The following CTTNBP2 variants were observed in gnomAD, a reference collection of about 807,000 sequenced individuals.
The protein encoded by CTTNBP2 is cortactin-binding protein 2.
A neutral mutation model predicts 156.9 loss-of-function variants in CTTNBP2; 108 were observed. The ratio of observed to expected loss-of-function variants is 0.69; its 90% CI spans 0.59 to 0.81. The LOEUF is 0.81. Ranked by LOEUF, CTTNBP2 falls within the 30% of genes least tolerant of loss-of-function variation. The pLI is 0.00. For missense variants in CTTNBP2, 1,924 were observed against 2,035.4 expected (o/e 0.95, Z 1.05); for synonymous variants, 767 against 751.8 (o/e 1.02, Z -0.33).
chr7:117,841,822 C>T (rs1802295096), intron 2 of CTTNBP2, among the ~76,000 whole-genome samples: 1 of 151,968 alleles, frequency 6.6e-6, no homozygotes, highest in Admixed American at 6.6e-5. Flanking sequence ...TGATGAGGTA[C>T]TAAGAAGAAT....
chr7:117,782,801 G>T, intron 6 of CTTNBP2, 61 bp downstream of exon 6: 1 of 1,160,924 alleles, frequency 8.6e-7, no homozygotes, highest in South Asian at 1.3e-5. Context: ...TAAAATACGT[G>T]TGCAAATTAT....
At chr7:117,851,207 A>C (rs1367575385) in intron 2 of CTTNBP2, among the ~76,000 whole-genome samples, 1 of 152,114 alleles carries the variant, frequency 6.6e-6, no homozygotes, top group Non-Finnish European at 1.5e-5. Flanking sequence ...GTTTGAGTCC[A>C]GGTTGAGCAA....
intron 8 of CTTNBP2, 86 bp downstream of exon 8, chr7:117,777,425 A>G (rs897482787): frequency 3.7e-6 from 5 of 1,363,276 alleles, no homozygotes; most frequent in Middle Eastern, 2.6e-4. Context: ...CAATTATTCA[A>G]TTTAAGTGCA....
At chr7:117,776,990 A>T (rs1798139879) in intron 8 of CTTNBP2, among the ~76,000 whole-genome samples, 1 of 152,246 alleles carries the variant, frequency 6.6e-6, no homozygotes, top group Non-Finnish European at 1.5e-5. Context: ...AACATGAGTG[A>T]ATGGACTACT....
chr7:117,853,728 G>T (rs962587359), intron 2 of CTTNBP2, among the ~76,000 whole-genome samples: 1 of 152,094 alleles, frequency 6.6e-6, no homozygotes, highest in Non-Finnish European at 1.5e-5. Flanking sequence ...GGATCAAATG[G>T]TATGTGGGAG....
rs34814075 is a variant in CTTNBP2, at chr7:117,808,355, G to A, written c.414+2410C>T. On this transcript the variant is annotated intron_variant, in intron 3 of 22. Transcript: ENST00000160373. ...GGCTCAAAATGGGAAGTGGATTACC[G>A]GAGGCAAAGTTCCCCATGATGATTA... Among the ~76,000 whole-genome samples the A allele has an allele frequency of 3.9e-3, 598 of 151,600 alleles. 8 individuals are homozygous for A. The highest frequency in any genetic ancestry group is 0.013 in the African/African-American group (557 of 41,356).
chr7:117,836,430 G>T (rs1031818404), intron 2 of CTTNBP2, among the ~76,000 whole-genome samples: 1 of 152,158 alleles, frequency 6.6e-6, no homozygotes, highest in Non-Finnish European at 1.5e-5. Flanking sequence ...CAGGCGTGGT[G>T]GTGGGCGCCT....
intron 3 of CTTNBP2, among the ~76,000 whole-genome samples, chr7:117,809,423 T>C (rs1367570416): frequency 1.3e-5 from 2 of 152,342 alleles, no homozygotes; most frequent in African/African-American, 2.4e-5. Context: ...ACAGGCATAA[T>C]TGAAATGTAT....
intron 2 of CTTNBP2, among the ~76,000 whole-genome samples, chr7:117,834,889 A>T (rs917623618): frequency 1.3e-5 from 2 of 152,240 alleles, no homozygotes; most frequent in Non-Finnish European, 2.9e-5. Context: ...GGGTTTACTT[A>T]CTCAAAACAA....
intron 2 of CTTNBP2, among the ~76,000 whole-genome samples, chr7:117,857,630 T>C (rs1803416890): frequency 6.6e-6 from 1 of 152,180 alleles, no homozygotes; most frequent in South Asian, 2.1e-4. Context: ...TAGGTAACTT[T>C]ATAATTTATA....
intron 2 of CTTNBP2, among the ~76,000 whole-genome samples, chr7:117,811,777 G>T (rs1800293084): frequency 6.7e-6 from 1 of 150,064 alleles, no homozygotes; most frequent in Admixed American, 6.6e-5. Flanking sequence ...ATGGATGTCT[G>T]GTAAGAAGAA....
chr7:117,739,814 G>T (rs1359239785), intron 14 of CTTNBP2, among the ~76,000 whole-genome samples: 2 of 152,170 alleles, frequency 1.3e-5, no homozygotes, highest in African/African-American at 4.8e-5. Flanking sequence ...TCCCAGGAAT[G>T]CAGGGCCCAA....
intron 19 of CTTNBP2, among the ~76,000 whole-genome samples, chr7:117,721,969 A>C (rs1794816047): frequency 6.6e-6 from 1 of 152,240 alleles, no homozygotes; most frequent in Non-Finnish European, 1.5e-5. Flanking sequence ...GTCAACACAA[A>C]TTTTCTCTAA....
chr7:117,817,348 AAAAAAAAAAAAAAAT>A (rs1215985124), intron 2 of CTTNBP2, among the ~76,000 whole-genome samples: 97 of 69,302 alleles, frequency 1.4e-3, no homozygotes, highest in African/African-American at 4.5e-3. Context: ...AAAAAAAAAA[AAAAAAAAAAAAAAAT>A]ATATATATAT....
intron 2 of CTTNBP2, among the ~76,000 whole-genome samples, chr7:117,819,873 T>C (rs1800851110): frequency 6.6e-6 from 1 of 152,218 alleles, no homozygotes; most frequent in African/African-American, 2.4e-5. Context: ...ACCAAGACTT[T>C]GATTTATTTT....
chr7:117,739,043 G>A (rs1795855354), intron 14 of CTTNBP2, among the ~76,000 whole-genome samples: 1 of 152,158 alleles, frequency 6.6e-6, no homozygotes, highest in African/African-American at 2.4e-5. Flanking sequence ...AAACAGCACA[G>A]CTTTCTTTGG....
rs551618552 is a variant in CTTNBP2, at chr7:117,729,956, C to T, written c.3877-1689G>A. Among the ~76,000 whole-genome samples, 81 of 152,098 alleles carry T rather than the reference C, an allele frequency of 5.3e-4. 1 individual carries two copies. The highest frequency in any genetic ancestry group is 6.8e-3 in the Middle Eastern group (2 of 294). On this transcript the variant is annotated intron_variant, in intron 16 of 22. Transcript: ENST00000160373. ...GAAGAGGGAAGGAACTGTGGAGGAG[C>T]GGTCAAAATGGATGCTGATGTTTGC...
chr7:117,788,554 C>T lies in CTTNBP2; in HGVS notation c.2068+2574G>A, dbSNP rs921082925. On this transcript the variant is annotated intron_variant, in intron 4 of 22. Transcript: ENST00000160373. ...GGAGAGGCACAAGCTCAACCAGGCA[C>T]AGACAGGTTAGTAAGCAGGGTGGAG... Among the ~76,000 whole-genome samples, 6 of 152,192 alleles carry T rather than the reference C, an allele frequency of 3.9e-5. No individual in the cohort carries two copies. In the South Asian group the frequency reaches 1.0e-3, roughly 26 times the overall value.
Position 117,792,790 on chromosome 7 carries a change from A to C in CTTNBP2, c.415-9T>G, listed in dbSNP as rs750532332. 1 of 1,520,900 alleles carries C rather than the reference A, an allele frequency of 6.6e-7. No individual in the cohort carries two copies. Among genetic ancestry groups the C allele is most frequent in the African/African-American group, 1.4e-5 (1 of 71,632 alleles). The allele number at this position is 1,520,900 out of a possible 1,614,324, so 94.2% of individuals were successfully genotyped here. Reference sequence around the variant, plus strand: ...AGCTTCTCCATTTCCAGCTGAAAGAAATTCACAGGAAAACCCTGATTAATA... The same window carrying C: ...AGCTTCTCCATTTCCAGCTGAAAGACATTCACAGGAAAACCCTGATTAATA... On this transcript the variant is annotated splice_polypyrimidine_tract_variant and intron_variant, in intron 3 of 22. Coordinates refer to ENST00000160373, the MANE Select transcript of CTTNBP2 (RefSeq NM_033427.3). The surrounding 1 kb of genome is among the most constrained non-coding windows in gnomAD (Gnocchi z 4.2).
Sources: gnomAD v4.1 joint callset for allele counts (sites outside exome capture counted in the v4.1 genomes callset) on GRCh38, gnomAD v4.1.1 for gene constraint, Gnocchi (gnomAD v3.1) non-coding constraint, MANE v1.5 for transcripts, NCBI Gene and HGNC (gene_info 2026-07-23, HGNC 2026-07-21) for gene names.